APMAP: variants seen among roughly 807,000 people sequenced by gnomAD.
The protein encoded by APMAP is adipocyte plasma membrane-associated protein.
Under a neutral mutation model 43.6 loss-of-function variants are expected in APMAP, and 33 were observed. That is an observed-to-expected ratio of 0.76 (90% CI 0.57 to 1.01). APMAP has a LOEUF of 1.01. Among genes scored for constraint, APMAP ranks in the 50% least tolerant of loss-of-function variants. The pLI is 0.00. For missense variants in APMAP, 498 were observed against 540.7 expected, an observed-to-expected ratio of 0.92 and a Z score of 0.78; for synonymous variants, 224 against 216.7, an observed-to-expected ratio of 1.03 and a Z score of -0.30.
At chr20:24,984,327 A>C (rs1420371984) in intron 1 of APMAP, among the ~76,000 whole-genome samples, 1 of 152,224 alleles carries the variant, frequency 6.6e-6, no homozygotes, top group Non-Finnish European at 1.5e-5. Flanking sequence ...ACTGATGAAC[A>C]CAAAATGTAA....
intron 8 of APMAP, among the ~76,000 whole-genome samples, chr20:24,966,331 AC>A (rs2087942646): frequency 6.6e-6 from 1 of 152,182 alleles, no homozygotes; most frequent in Non-Finnish European, 1.5e-5. Flanking sequence ...AACATGGGAA[AC>A]CATAAGATGG....
At chr20:24,970,514 G>A in intron 5 of APMAP, 143 bp from the exon 6 acceptor site, 1 of 757,628 alleles carries the variant, frequency 1.3e-6, no homozygotes, top group Non-Finnish European at 2.0e-6. Flanking sequence ...CCTTCTTATA[G>A]TAAAAACAGT....
At chr20:24,985,806 T>A (rs2088142233) in intron 1 of APMAP, among the ~76,000 whole-genome samples, 1 of 151,700 alleles carries the variant, frequency 6.6e-6, no homozygotes, top group Admixed American at 6.6e-5. Context: ...TTGTGAGGTC[T>A]CAGAAGGAAG....
intron 3 of APMAP, 139 bp downstream of exon 3, chr20:24,978,628 G>T: frequency 1.5e-6 from 1 of 662,170 alleles, no homozygotes; most frequent in Non-Finnish European, 2.6e-6. Flanking sequence ...TGAGGGCCAA[G>T]TCCCACGTCC....
chr20:24,979,728 T>C (rs1356440217), intron 2 of APMAP, among the ~76,000 whole-genome samples: 1 of 152,066 alleles, frequency 6.6e-6, no homozygotes, highest in African/African-American at 2.4e-5. Context: ...AGCCCCACAA[T>C]GGCCCCCTCT....
intron 2 of APMAP, among the ~76,000 whole-genome samples, chr20:24,980,023 ACACAC>A (rs2088088242): frequency 6.6e-6 from 1 of 152,152 alleles, no homozygotes; most frequent in African/African-American, 2.4e-5. Context: ...TCCTCATAGC[ACACAC>A]CAGCTTCTCA....
At chr20:24,986,254 G>C (rs2088146062) in intron 1 of APMAP, among the ~76,000 whole-genome samples, 1 of 152,154 alleles carries the variant, frequency 6.6e-6, no homozygotes, top group South Asian at 2.1e-4. Flanking sequence ...AAGGGGTTCA[G>C]AGCTCACCCC....
At chr20:24,966,185 G>A (rs80233412) in intron 8 of APMAP, among the ~76,000 whole-genome samples, 4,412 of 152,250 alleles carry the variant, frequency 0.029, 236 homozygotes, top group African/African-American at 0.1. Context: ...CTTATGTGCT[G>A]GAAAGTGAGG....
chr20:24,983,001 C>T (rs1051757755), intron 2 of APMAP, among the ~76,000 whole-genome samples: 3 of 152,218 alleles, frequency 2.0e-5, no homozygotes, highest in Non-Finnish European at 2.9e-5. Context: ...CTCAATCTTA[C>T]ATGAGCAAAT....
At chr20:24,971,796 G>A (rs1490527487) in intron 4 of APMAP, among the ~76,000 whole-genome samples, 1 of 151,974 alleles carries the variant, frequency 6.6e-6, no homozygotes, top group Non-Finnish European at 1.5e-5. Flanking sequence ...CTTACTGTAG[G>A]TGCTTACTGC....
At chr20:24,976,360 A>C (rs1394289122) in intron 3 of APMAP, among the ~76,000 whole-genome samples, 1 of 152,222 alleles carries the variant, frequency 6.6e-6, no homozygotes, top group Non-Finnish European at 1.5e-5. Flanking sequence ...GAAAATGAAC[A>C]ACCCAATTAC....
intron 3 of APMAP, among the ~76,000 whole-genome samples, chr20:24,975,837 T>C (rs1043670777): frequency 1.3e-5 from 2 of 152,064 alleles, no homozygotes; most frequent in African/African-American, 4.8e-5. Flanking sequence ...AATAAATCAA[T>C]AGAACAGATA....
Position 24,969,521 on chromosome 20 carries a change from C to T in APMAP, c.848+5G>A. 1 of 1,606,354 alleles carries T rather than the reference C, an allele frequency of 6.2e-7. No individual in the cohort carries two copies. The highest frequency in any genetic ancestry group is 8.5e-7 in the Non-Finnish European group (1 of 1,174,056). ...AACTGATGGCTCAGCTAATCCCACA[C>T]ACACCTTCGTATCCTGGCCATGGTT... On this transcript the variant is annotated splice_donor_5th_base_variant and intron_variant, in intron 7 of 8. Transcript: ENST00000217456.
At chr20:24,986,622 GGAGT>G (rs1272001533) in intron 1 of APMAP, among the ~76,000 whole-genome samples, 2 of 152,216 alleles carry the variant, frequency 1.3e-5, no homozygotes, top group Admixed American at 1.3e-4. Flanking sequence ...AGCAGGGAAA[GGAGT>G]AAGGGCCAGG....
intron 2 of APMAP, among the ~76,000 whole-genome samples, chr20:24,983,682 G>A (rs942848827): frequency 6.6e-5 from 10 of 152,044 alleles, no homozygotes; most frequent in African/African-American, 2.4e-4. Context: ...TTTGGTTGAT[G>A]CAGTTTTTTT....
Position 24,992,620 on chromosome 20 carries a change from G to A in APMAP, c.69C>T (p.Gly23=), listed in dbSNP as rs371076272. The change falls in exon 1 of 9, where the codon GGC becomes GGT. Residue 23 remains glycine (G), a synonymous_variant. Coordinates refer to ENST00000217456, the MANE Select transcript of APMAP (RefSeq NM_020531.3). ...TGCCGTCCTTAGCCTCCGGGGCCTGGCCATCATCGTCTGTGACGACCTGCG... is the reference window on the plus strand; with the variant it reads ...TGCCGTCCTTAGCCTCCGGGGCCTGACCATCATCGTCTGTGACGACCTGCG... ...LRPQVVTDDD[G]QAPEAKDGSS... 330 of 1,569,980 alleles carry A rather than the reference G, an allele frequency of 2.1e-4. No homozygotes were observed. Among genetic ancestry groups the A allele is most frequent in the Non-Finnish European group, 2.6e-4 (301 of 1,158,552 alleles).
rs1600277736 is a variant in APMAP, at chr20:24,963,936, G to C, written c.1128C>G (p.Ser376Arg). The C allele has an allele frequency of 2.5e-6, 4 of 1,614,122 alleles. No homozygotes were observed. The Admixed American group carries it at 5.0e-5, about 20-fold the overall frequency. The change falls in exon 9 of 9, where the codon AGC (serine) becomes AGG (arginine). Residue 376 changes from serine to arginine, a missense_variant. Physicochemically the swap from Ser to Arg is moderately radical, Grantham distance 110 (BLOSUM62 -1). Transcript: ENST00000217456. ...ELSDSGAFRR[S>R]LHDPDGLVAT... The stretch of plus-strand genomic sequence containing the variant: ...CCACCAGCCCATCGGGATCATGCAG[G>C]CTTCTCCGGAAGGCACCGCTGTCGC...
chr20:24,966,962 T>G (rs1464885977), intron 8 of APMAP, among the ~76,000 whole-genome samples: 1 of 152,102 alleles, frequency 6.6e-6, no homozygotes, highest in African/African-American at 2.4e-5. Flanking sequence ...GTACCCTCCC[T>G]CTTTCCACAG....
intron 3 of APMAP, 74 bp from the exon 4 acceptor site, chr20:24,973,811 G>C: frequency 9.5e-6 from 13 of 1,361,272 alleles, no homozygotes; most frequent in Non-Finnish European, 1.4e-5. Context: ...TCTCCTACAA[G>C]AGGGCTTGTT....
Sources: gnomAD v4.1 joint callset for allele counts (sites outside exome capture counted in the v4.1 genomes callset) on GRCh38, gnomAD v4.1.1 for gene constraint, MANE v1.5 for transcripts, NCBI Gene and HGNC (gene_info 2026-07-23, HGNC 2026-07-21) for gene names.